ANKRD36B: variants seen among roughly 807,000 people sequenced by gnomAD.
ANKRD36B encodes ankyrin repeat domain-containing protein 36B.
ANKRD36B carries 37 observed loss-of-function variants against 135.7 expected under a neutral mutation model. The ratio of observed to expected loss-of-function variants is 0.27; its 90% CI spans 0.21 to 0.36. The LOEUF (loss-of-function observed/expected upper bound fraction) is 0.36, where lower values mean the gene tolerates loss of function less well. ANKRD36B is among the 10% of genes least tolerant of loss of function. ANKRD36B has a pLI of 1.00. For synonymous variants in ANKRD36B, 179 were observed against 348.1 expected (o/e 0.51, Z 5.41); for missense variants, 549 against 1,037.1 (o/e 0.53, Z 6.46).
In ANKRD36B at chr2:97,544,652, A is replaced by C. The variant is rs548186082; in HGVS notation, c.1682-667T>G. Among the ~76,000 whole-genome samples the C allele has an allele frequency of 6.1e-4, 59 of 96,500 alleles. 17 individuals are homozygous for C. Among genetic ancestry groups the C allele is most frequent in the Middle Eastern group, 0.011 (2 of 190 alleles). 63.3% of individuals were successfully genotyped at this position (96,500 alleles called of 152,430 possible). ...CTTCATCCACTCATGGCACCAAAGG[A>C]TAATATATTAGCCTCAATAAAAATA... On this transcript the variant is annotated intron_variant, in intron 24 of 43. Coordinates refer to ENST00000359901, the MANE Select transcript of ANKRD36B (RefSeq NM_001393939.1).
chr2:97,567,900 A>T (rs1384731377), intron 6 of ANKRD36B, among the ~76,000 whole-genome samples: 1 of 152,162 alleles, frequency 6.6e-6, no homozygotes, highest in African/African-American at 2.4e-5. Flanking sequence ...TATATAGTCA[A>T]ATAGAAGGTC....
rs117911431 is a variant in ANKRD36B at position 97,589,726 on chromosome 2, G to T, written c.-41C>A. The T allele has an allele frequency of 5.4e-3, 8,641 of 1,612,992 alleles. 395 individuals carry two copies. In the East Asian group the frequency reaches 0.12, roughly 22 times the overall value. ...CTCCCGCTCGTCGTCTTCCTTAATC[G>T]TCGGCTGCAAATTGTAGCCTGCAGC... is the stretch of plus-strand genomic sequence containing the variant. On this transcript the variant is annotated 5_prime_UTR_variant, in exon 1 of 44. Coordinates refer to ENST00000359901, the MANE Select transcript of ANKRD36B (RefSeq NM_001393939.1).
chr2:97,582,553 T>C (rs937258234), intron 3 of ANKRD36B, among the ~76,000 whole-genome samples: 9 of 152,242 alleles, frequency 5.9e-5, no homozygotes, highest in Middle Eastern at 3.4e-3. Flanking sequence ...GGACACCAGA[T>C]TGGATTCTTG....
intron 1 of ANKRD36B, among the ~76,000 whole-genome samples, chr2:97,587,293 A>G (rs2083076953): frequency 6.6e-6 from 1 of 152,244 alleles, no homozygotes; most frequent in Non-Finnish European, 1.5e-5. Flanking sequence ...AACATTTACT[A>G]GAAGTTTTAA....
At chr2:97,528,588 C>A (rs1337123369) in intron 35 of ANKRD36B, among the ~76,000 whole-genome samples, 1 of 94,088 alleles carries the variant, frequency 1.1e-5, no homozygotes, top group East Asian at 2.3e-4. Flanking sequence ...ACACAAAAAA[C>A]CCTTCAAAAA....
rs1479341328 is a variant in ANKRD36B at position 97,530,141 on chromosome 2, C to T, written c.2265+2170G>A. On this transcript the variant is annotated intron_variant, in intron 35 of 43. Transcript: ENST00000359901. ...AACAAAGCTGGAGGCATCACACTAC[C>T]TGACTTCAAACTATACTACAAGGCT... Among the ~76,000 whole-genome samples, 35 of 96,164 alleles carry T rather than the reference C, an allele frequency of 3.6e-4. 13 individuals are homozygous for T. Among genetic ancestry groups the T allele is most frequent in the African/African-American group, 1.1e-3 (35 of 32,044 alleles). 63.1% of individuals were successfully genotyped at this position (96,164 alleles called of 152,430 possible). A position where few individuals can be genotyped will look rare whatever the true frequency, so the allele number is the denominator to read the frequency against.
chr2:97,588,559 G>A (rs1209078813), intron 1 of ANKRD36B, among the ~76,000 whole-genome samples: 1 of 151,742 alleles, frequency 6.6e-6, no homozygotes, highest in East Asian at 1.9e-4. Context: ...TCTTAATGTC[G>A]TCACAATAGT....
intron 12 of ANKRD36B, among the ~76,000 whole-genome samples, chr2:97,555,749 T>A (rs1244946407): frequency 6.6e-6 from 1 of 151,948 alleles, no homozygotes; most frequent in Admixed American, 6.6e-5. Flanking sequence ...TTCACGTCTC[T>A]TAAGTGGAAG....
At chr2:97,557,492 T>C (rs1164490092) in intron 10 of ANKRD36B, among the ~76,000 whole-genome samples, 5 of 151,892 alleles carry the variant, frequency 3.3e-5, no homozygotes, top group Non-Finnish European at 5.9e-5. Flanking sequence ...AGGTACTAAA[T>C]GCTACTGCAT....
At chr2:97,586,287 T>G (rs959042450) in intron 1 of ANKRD36B, among the ~76,000 whole-genome samples, 3 of 152,160 alleles carry the variant, frequency 2.0e-5, no homozygotes, top group Non-Finnish European at 4.4e-5. Context: ...TTACAGAATG[T>G]TATGTAAATT....
intron 12 of ANKRD36B, among the ~76,000 whole-genome samples, chr2:97,556,141 A>G (rs2080501731): frequency 6.6e-6 from 1 of 151,968 alleles, no homozygotes; most frequent in Non-Finnish European, 1.5e-5. Flanking sequence ...TTCACTAAAT[A>G]GCTATTTTAA....
intron 6 of ANKRD36B, among the ~76,000 whole-genome samples, chr2:97,562,687 A>C (rs1362513321): frequency 6.6e-6 from 1 of 151,946 alleles, no homozygotes; most frequent in African/African-American, 2.4e-5. Flanking sequence ...TGATTCTTTG[A>C]CCTCCACATT....
At position 97,564,811 on chromosome 2, in the gene ANKRD36B, C is replaced by T. The variant is rs534806169; in HGVS notation, c.764-3951G>A. On this transcript the variant is annotated intron_variant, in intron 6 of 43. Coordinates refer to ENST00000359901, the MANE Select transcript of ANKRD36B (RefSeq NM_001393939.1). ...TAGTTTGAATCAGGTAGCATGATGC[C>T]TCCAGCTTTGTTCTTTTTGCTTAGG... Among the ~76,000 whole-genome samples the T allele has an allele frequency of 5.7e-3, 867 of 152,206 alleles. 11 individuals are homozygous for T. Among genetic ancestry groups the T allele is most frequent in the Admixed American group, 9.3e-3 (142 of 15,282 alleles).
intron 1 of ANKRD36B, among the ~76,000 whole-genome samples, chr2:97,586,190 G>A (rs1249451539): frequency 2.6e-5 from 4 of 151,810 alleles, no homozygotes; most frequent in Non-Finnish European, 5.9e-5. Context: ...TTAAAACAAA[G>A]TAATTCTTAC....
At position 97,547,596 on chromosome 2, in the gene ANKRD36B, C is replaced by T. The variant is rs768690692; in HGVS notation, c.1519G>A (p.Glu507Lys). ...GCTATATTCAAAAGAGAATCTTTCT[C>T]GTCTCTTGTAGCCTGAATGGAATTT... ...QPPGLKATRD[E>K]KDSLLNIARG... is the part of the protein sequence containing the mutation. Residue 507 changes from glutamate to lysine, a missense_variant, in exon 22 of 44, where the codon GAG becomes AAG. Coordinates refer to ENST00000359901, the MANE Select transcript of ANKRD36B (RefSeq NM_001393939.1). 58 of 1,572,448 alleles carry T rather than the reference C, an allele frequency of 3.7e-5. No homozygotes were observed. The highest frequency in any genetic ancestry group is 2.3e-4 in the Middle Eastern group (1 of 4,358).
At chr2:97,550,494 A>T (rs1411878106) in intron 18 of ANKRD36B, among the ~76,000 whole-genome samples, 1 of 151,860 alleles carries the variant, frequency 6.6e-6, no homozygotes, top group Non-Finnish European at 1.5e-5. Flanking sequence ...TTATTTTCTA[A>T]AGAAGTTTCA....
chr2:97,551,537 T>G, intron 16 of ANKRD36B, 57 bp from the exon 17 acceptor site: 1 of 1,603,442 alleles, frequency 6.2e-7, no homozygotes, highest in Admixed American at 1.7e-5. Context: ...AAGTTATCCA[T>G]ACATTCATGC....
chr2:97,572,394 A>G (rs1438330149), intron 6 of ANKRD36B, among the ~76,000 whole-genome samples: 3 of 133,424 alleles, frequency 2.2e-5, no homozygotes, highest in African/African-American at 7.9e-5. Context: ...GAAATATAAT[A>G]CCAGAAAAGT....
chr2:97,568,101 ATC>A (rs1450775705), intron 6 of ANKRD36B, among the ~76,000 whole-genome samples: 2 of 152,228 alleles, frequency 1.3e-5, no homozygotes, highest in Middle Eastern at 3.4e-3. Context: ...GATATTATTA[ATC>A]TCTTATTGTG....
Sources: gnomAD v4.1 joint callset for allele counts (sites outside exome capture counted in the v4.1 genomes callset) on GRCh38, gnomAD v4.1.1 for gene constraint, MANE v1.5 for transcripts, NCBI Gene and HGNC (gene_info 2026-07-23, HGNC 2026-07-21) for gene names.